RARS1: variants seen among roughly 807,000 people sequenced by gnomAD.
The protein encoded by RARS1 is arginine--tRNA ligase, cytoplasmic.
In RARS1, 75 loss-of-function variants were observed where a neutral mutation model predicts 78.7. The ratio of observed to expected loss-of-function variants is 0.95; its 90% CI spans 0.79 to 1.15. The LOEUF is 1.15. Among genes scored for constraint, RARS1 ranks in the 50% most tolerant of loss-of-function variants. The probability of loss-of-function intolerance (pLI) is 0.00; values close to 1 mark genes in which losing one functional copy is unlikely to be tolerated. For missense variants in RARS1, 787 were observed against 787.5 expected (o/e 1.00, Z 0.01); for synonymous variants, 273 against 268.2 (o/e 1.02, Z -0.18).
chr5:168,501,208 A>G (rs886991702), intron 8 of RARS1, among the ~76,000 whole-genome samples: 8 of 152,232 alleles, frequency 5.3e-5, no homozygotes, highest in Non-Finnish European at 7.3e-5. Flanking sequence ...AAGAACAACC[A>G]GTAGATCTTT....
chr5:168,494,528 T>C lies in RARS1; in HGVS notation c.479-22T>C, dbSNP rs759556726. ...ATTCAAGATAAGACAGTATCTGATATTTTTTCTCTTCTATCCATTAGGTTT... is the reference window on the plus strand; with the variant it reads ...ATTCAAGATAAGACAGTATCTGATACTTTTTCTCTTCTATCCATTAGGTTT... On this transcript the variant is annotated intron_variant, in intron 4 of 14. Transcript: ENST00000231572. 1.9e-6 allele frequency: 3 copies of C among 1,605,518 alleles called. No homozygotes were observed. The African/African-American group carries it at 4.0e-5, about 22-fold the overall frequency.
At position 168,503,264 on chromosome 5, in the gene RARS1, C is replaced by T. The variant is rs143681198; in HGVS notation, c.1057+1159C>T. On this transcript the variant is annotated intron_variant, in intron 9 of 14. Coordinates refer to ENST00000231572, the MANE Select transcript of RARS1 (RefSeq NM_002887.4). ...TGACCATGACTTTGATCCACCACTT[C>T]ATTGGAGGTTGGAAAATGGTAGTGT... 4.9e-3 allele frequency among the ~76,000 whole-genome samples: 746 copies of T among 152,328 alleles called. 5 individuals carry two copies. Among genetic ancestry groups the T allele is most frequent in the African/African-American group, 0.017 (715 of 41,566 alleles).
chr5:168,506,598 C>T, intron 10 of RARS1, 124 bp from the exon 11 acceptor site: 1 of 671,400 alleles, frequency 1.5e-6, no homozygotes, highest in Non-Finnish European at 2.5e-6. Context: ...TTTATAATAG[C>T]ACTTGTCTCA....
chr5:168,514,162 A>G lies in RARS1; in HGVS notation c.1453-2616A>G, dbSNP rs116664558. Among the ~76,000 whole-genome samples, 1,013 of 152,148 alleles carry G rather than the reference A, an allele frequency of 6.7e-3. 3 individuals are homozygous for G. Among genetic ancestry groups the G allele is most frequent in the Non-Finnish European group, 0.011 (718 of 67,992 alleles). On this transcript the variant is annotated intron_variant, in intron 12 of 14. Transcript: ENST00000231572. ...ATTTTTCTTAGGCTTTATTTTTAGT[A>G]CTTTGACTAAGAAATGCCTAAGTGT...
intron 7 of RARS1, among the ~76,000 whole-genome samples, chr5:168,498,677 T>G (rs111400978): frequency 0.022 from 3,345 of 152,240 alleles, 52 homozygotes; most frequent in Middle Eastern, 0.061. Flanking sequence ...CTTTAAAAAT[T>G]ATTTCCTGGC....
intron 3 of RARS1, 55 bp downstream of exon 3, chr5:168,492,902 C>T (rs2152903705): frequency 2.2e-6 from 3 of 1,350,706 alleles, no homozygotes; most frequent in East Asian, 4.7e-5. Context: ...TTATTATCAT[C>T]ATTGCCATTT....
rs867043025 is a variant in RARS1 at position 168,510,624 on chromosome 5, G to T, written c.1390G>T (p.Asp464Tyr). 1 of 1,610,886 alleles carries T rather than the reference G, an allele frequency of 6.2e-7. No homozygotes were observed. The highest frequency in any genetic ancestry group is 1.1e-5 in the South Asian group (1 of 90,050). The stretch of plus-strand genomic sequence containing the variant: ...TTCGGGTGAAACAGTGCGCCTCATG[G>T]ATCTTCTGGGAGAAGGACTAAAACG... ...TRSGETVRLMDLLGEGLKRSM... is the reference protein window; with the variant it reads ...TRSGETVRLMYLLGEGLKRSM... The change falls in exon 12 of 15, where the codon GAT becomes TAT. Residue 464 changes from aspartate to tyrosine, a missense_variant. Physicochemically the swap from Asp to Tyr is radical, Grantham distance 160. Coordinates refer to ENST00000231572, the MANE Select transcript of RARS1 (RefSeq NM_002887.4).
chr5:168,499,182 A>G (rs116380137), intron 7 of RARS1, among the ~76,000 whole-genome samples: 1 of 150,978 alleles, frequency 6.6e-6, no homozygotes, highest in Non-Finnish European at 1.5e-5. Flanking sequence ...AGCCGGGCAC[A>G]CTCCTGTAGT....
chr5:168,493,416 A>G lies in RARS1; in HGVS notation c.370-478A>G, dbSNP rs368425061. The stretch of plus-strand genomic sequence containing the variant: ...TATTTCTCAAGTGTGAATATTGCAC[A>G]CCTTCATGGCTTGAAAATTAGAAAT... On this transcript the variant is annotated intron_variant, in intron 3 of 14. Transcript: ENST00000231572. Among the ~76,000 whole-genome samples the G allele has an allele frequency of 5.4e-3, 824 of 152,210 alleles. 9 individuals are homozygous for G. The highest frequency in any genetic ancestry group is 0.019 in the African/African-American group (786 of 41,530).
rs561631166 is a variant in RARS1 at position 168,492,582 on chromosome 5, C to T, written c.181-77C>T. 1.0e-3 allele frequency: 1,316 copies of T among 1,264,008 alleles called. 6 individuals are homozygous for T. Among genetic ancestry groups the T allele is most frequent in the South Asian group, 3.7e-3 (250 of 67,272 alleles). 78.3% of individuals were successfully genotyped at this position (1,264,008 alleles called of 1,614,324 possible). ...TTCTTAAGATATTTGGAGGTTTATA[C>T]TCAAAATATTTGGAGACATCTTGTA... On this transcript the variant is annotated intron_variant, in intron 2 of 14. Transcript: ENST00000231572.
chr5:168,497,569 G>T lies in RARS1; in HGVS notation c.822+221G>T, dbSNP rs537473786. ...AGACGTTTAATTACCTCACAGTTCT[G>T]CAGGCTGTACAAGCATGGCGCTAGC... is the stretch of plus-strand genomic sequence containing the variant. On this transcript the variant is annotated intron_variant, in intron 7 of 14. Transcript: ENST00000231572. 2.5e-4 allele frequency among the ~76,000 whole-genome samples: 38 copies of T among 151,552 alleles called. No individual in the cohort carries two copies. In the South Asian group the frequency reaches 7.7e-3, roughly 31 times the overall value.
intron 7 of RARS1, 102 bp from the exon 8 acceptor site, chr5:168,500,489 C>T: frequency 2.6e-6 from 3 of 1,139,384 alleles, no homozygotes; most frequent in Non-Finnish European, 3.4e-6. Context: ...TTTGTACTTT[C>T]TCACTGTGTT....
chr5:168,515,691 C>T (rs1215592686), intron 12 of RARS1, among the ~76,000 whole-genome samples: 1 of 152,180 alleles, frequency 6.6e-6, no homozygotes, highest in Non-Finnish European at 1.5e-5. Flanking sequence ...AGGGTGAGGT[C>T]CTTACTCCTG....
Position 168,517,854 on chromosome 5 carries a change from C to T in RARS1, c.1665C>T (p.Leu555=). 1 of 1,604,610 alleles carries T rather than the reference C, an allele frequency of 6.2e-7. No homozygotes were observed. Among genetic ancestry groups the T allele is most frequent in the Non-Finnish European group, 8.5e-7 (1 of 1,175,650 alleles). ...ARLANIDEEM[L]QKAARETKIL... ...TGGCCAATATTGATGAAGAAATGCT[C>T]CAAAAAGCTGCTCGAGAAACCAAGA... Residue 555 remains leucine (L), a synonymous_variant, in exon 14 of 15, where the codon CTC becomes CTT. Transcript: ENST00000231572.
At chr5:168,507,702 A>C (rs1306978670) in intron 11 of RARS1, among the ~76,000 whole-genome samples, 3 of 152,172 alleles carry the variant, frequency 2.0e-5, no homozygotes, top group African/African-American at 4.8e-5. Context: ...AACATTTTCT[A>C]ATTGCGTTTC....
chr5:168,501,210 T>G (rs1435887594), intron 8 of RARS1, among the ~76,000 whole-genome samples: 1 of 152,192 alleles, frequency 6.6e-6, no homozygotes, highest in Non-Finnish European at 1.5e-5. Flanking sequence ...GAACAACCAG[T>G]AGATCTTTGA....
In RARS1 at chr5:168,492,745, GGCT is replaced by G; in HGVS notation, c.270_272del (p.Ala91del). On this transcript the variant is annotated inframe_deletion, in exon 3 of 15. Transcript: ENST00000231572. ...AAGAGGTCTTTGGTCATGCAATTAA[GGCT>G]GCATATCCAGATTTGGAAAATCCTC... 1.2e-6 allele frequency: 2 copies of G among 1,613,056 alleles called. No homozygotes were observed. Among genetic ancestry groups the G allele is most frequent in the Non-Finnish European group, 1.7e-6 (2 of 1,179,008 alleles).
intron 2 of RARS1, among the ~76,000 whole-genome samples, chr5:168,491,660 C>T (rs1758087733): frequency 6.6e-6 from 1 of 152,130 alleles, no homozygotes; most frequent in Admixed American, 6.6e-5. Flanking sequence ...TGACAAGTGA[C>T]TTATCTGTAG....
chr5:168,487,794 A>G (rs1757999815), intron 1 of RARS1, among the ~76,000 whole-genome samples: 1 of 152,212 alleles, frequency 6.6e-6, no homozygotes, highest in Admixed American at 6.5e-5. Context: ...TAGATGTTAA[A>G]CTACAAAGCC....
Sources: gnomAD v4.1 joint callset for allele counts (sites outside exome capture counted in the v4.1 genomes callset) on GRCh38, gnomAD v4.1.1 for gene constraint, MANE v1.5 for transcripts, NCBI Gene and HGNC (gene_info 2026-07-23, HGNC 2026-07-21) for gene names.